Variants in CENPI observed in about 807,000 individuals in gnomAD.
The protein encoded by CENPI is FSH primary response 1.
CENPI carries 4 observed loss-of-function variants against 60.4 expected under a neutral mutation model. The ratio of observed to expected loss-of-function variants is 0.07; its 90% CI spans 0.03 to 0.15. The LOEUF is 0.15. Among genes scored for constraint, CENPI ranks in the 10% least tolerant of loss-of-function variants. The pLI is 1.00. For synonymous variants in CENPI, 157 were observed against 189.4 expected, an observed-to-expected ratio of 0.83 and a Z score of 1.40; for missense variants, 444 against 534.5, an observed-to-expected ratio of 0.83 and a Z score of 1.67.
At chrX:101,141,339 A>G (rs2089913167) in intron 16 of CENPI, 1 of 111,356 alleles carries the variant, frequency 9.0e-6, no homozygotes, top group African/African-American at 3.3e-5. Flanking sequence ...GCCTTCTCCT[A>G]CATATATATA....
At position 101,165,474 on chromosome X, in the gene CENPI, A is replaced by T. The variant is rs769698386; in HGVS notation, c.*2507A>T. Reference sequence around the variant, plus strand: ...GATGACTCAGATTTTTGACCTGTCAATTGGGTGAACTCTGAGATTAAATTC... The same window carrying T: ...GATGACTCAGATTTTTGACCTGTCATTTGGGTGAACTCTGAGATTAAATTC... On this transcript the variant is annotated 3_prime_UTR_variant, in exon 22 of 22. Transcript: ENST00000682095. 8.0e-5 allele frequency among the ~76,000 whole-genome samples: 9 copies of T among 111,948 alleles called. No individual in the cohort carries two copies. The highest frequency in any genetic ancestry group is 1.7e-4 in the Non-Finnish European group (9 of 53,211).
chrX:101,121,619 G>T (rs1394694943), intron 8 of CENPI, among the ~76,000 whole-genome samples: 7 of 109,898 alleles, frequency 6.4e-5, no homozygotes, highest in African/African-American at 2.3e-4. Flanking sequence ...GGATGAATAG[G>T]ATTTAAGTAG....
intron 15 of CENPI, 76 bp from the exon 16 acceptor site, chrX:101,140,590 C>T: frequency 2.7e-6 from 2 of 731,121 alleles, no homozygotes; most frequent in Non-Finnish European, 4.2e-6. Flanking sequence ...CTTTTCATCT[C>T]TAAGCCTCTG....
chrX:101,139,555 G>A (rs2089891487), intron 15 of CENPI, among the ~76,000 whole-genome samples: 1 of 112,294 alleles, frequency 8.9e-6, no homozygotes, highest in African/African-American at 3.2e-5. Context: ...TGTCTTAGAT[G>A]ATTCCAGAGT....
chrX:101,129,233 A>G (rs1234832011), intron 12 of CENPI, among the ~76,000 whole-genome samples: 1 of 111,645 alleles, frequency 9.0e-6, no homozygotes, highest in African/African-American at 3.3e-5. Flanking sequence ...CGAAATGCTC[A>G]TATCTGCCAA....
At chrX:101,174,952 A>T in the CENPI span, among the ~76,000 whole-genome samples, 28 of 111,238 alleles carry the variant, frequency 2.5e-4, no homozygotes, top group Non-Finnish European at 5.1e-4. Flanking sequence ...TACTAAAAAT[A>T]CAAAGTTAGC....
chrX:101,113,924 T>C (rs936170365), intron 6 of CENPI, among the ~76,000 whole-genome samples: 2 of 112,086 alleles, frequency 1.8e-5, no homozygotes, highest in African/African-American at 6.5e-5. Context: ...ATCAGTCTAA[T>C]TGTAATCCTT....
chrX:101,167,034 G>C (rs2090146264), downstream of CENPI, among the ~76,000 whole-genome samples: 1 of 112,765 alleles, frequency 8.9e-6, no homozygotes, highest in East Asian at 2.8e-4. Flanking sequence ...GATTACAGGC[G>C]TAAGCCACAG....
Position 101,162,733 on chromosome X carries a change from A to G in CENPI, c.2137-100A>G, listed in dbSNP as rs2295377. On this transcript the variant is annotated intron_variant, in intron 21 of 21. Coordinates refer to ENST00000682095, the MANE Select transcript of CENPI (RefSeq NM_001386188.2). Reference sequence around the variant, plus strand: ...CCCCCGAACTAATTTTGATATGTGCATGCGGGATGCTGCAAACTCTTCCTA... The same window carrying G: ...CCCCCGAACTAATTTTGATATGTGCGTGCGGGATGCTGCAAACTCTTCCTA... The G allele has an allele frequency of 4.4e-3, 4,099 of 923,781 alleles. 99 individuals carry two copies. In the East Asian group the frequency reaches 0.082, roughly 18 times the overall value. 76.1% of individuals were successfully genotyped at this position (923,781 alleles called of 1,213,427 possible).
At chrX:101,114,894 G>A (rs2089601170) in intron 6 of CENPI, among the ~76,000 whole-genome samples, 1 of 111,057 alleles carries the variant, frequency 9.0e-6, no homozygotes. Context: ...GCCTGCCTCG[G>A]CCTCCCAAAG....
At chrX:101,174,665 G>C in the CENPI span, among the ~76,000 whole-genome samples, 2 of 110,589 alleles carry the variant, frequency 1.8e-5, no homozygotes, top group Non-Finnish European at 3.8e-5. Flanking sequence ...GACTACTAGA[G>C]GGGGGAGGGA....
chrX:101,101,363 A>C, intron 3 of CENPI, 67 bp downstream of exon 3: 1 of 825,558 alleles, frequency 1.2e-6, no homozygotes, highest in Non-Finnish European at 1.7e-6. Context: ...TTTTTTTCTT[A>C]AGAATTTTTA....
the CENPI span, among the ~76,000 whole-genome samples, chrX:101,171,409 A>T: frequency 2.7e-5 from 3 of 112,651 alleles, no homozygotes; most frequent in African/African-American, 9.6e-5. Flanking sequence ...AAATGGATTT[A>T]AAAAACTAAA....
At position 101,128,745 on chromosome X, in the gene CENPI, C is replaced by T. The variant is rs745763216; in HGVS notation, c.1104C>T (p.Asn368=). Residue 368 remains asparagine (N), a synonymous_variant, in exon 12 of 22, where the codon AAC becomes AAT. Transcript: ENST00000682095. ...ELPSQMGSVL[N]NSLLLHYINC... Reference sequence around the variant, plus strand: ...CTTCTCAGATGGGCTCAGTGCTAAACAACTCTCTGCTGCTTCACTACATTA... The same window carrying T: ...CTTCTCAGATGGGCTCAGTGCTAAATAACTCTCTGCTGCTTCACTACATTA... 9.9e-6 allele frequency: 12 copies of T among 1,208,815 alleles called. No homozygotes were observed. The highest frequency in any genetic ancestry group is 1.2e-5 in the Non-Finnish European group (11 of 893,016).
intron 16 of CENPI, chrX:101,141,157 A>G (rs1454748031): frequency 8.7e-6 from 1 of 115,056 alleles, no homozygotes; most frequent in Non-Finnish European, 1.8e-5. Context: ...CTTTGTTTTT[A>G]TGTTTCTGTG....
the CENPI span, among the ~76,000 whole-genome samples, chrX:101,175,929 G>A: frequency 9.1e-6 from 1 of 110,019 alleles, no homozygotes; most frequent in African/African-American, 3.3e-5. Flanking sequence ...TTTATCCTCC[G>A]CCAACCCCCA....
downstream of CENPI, among the ~76,000 whole-genome samples, chrX:101,170,499 CAT>C (rs1202748902): frequency 8.9e-6 from 1 of 112,029 alleles, no homozygotes; most frequent in Non-Finnish European, 1.9e-5. Flanking sequence ...TAGTTAATAT[CAT>C]ACACCATATC....
chrX:101,147,397 C>A (rs917334664), intron 18 of CENPI, among the ~76,000 whole-genome samples: 5 of 109,764 alleles, frequency 4.6e-5, no homozygotes, highest in African/African-American at 1.7e-4. Flanking sequence ...CCCCCGACCC[C>A]CGACAGGCCC....
At chrX:101,141,823 C>T (rs1198745433) in intron 16 of CENPI, among the ~76,000 whole-genome samples, 1 of 110,925 alleles carries the variant, frequency 9.0e-6, no homozygotes, top group East Asian at 2.8e-4. Flanking sequence ...GCCTCGACCT[C>T]CCAGGCTCAA....
Sources: allele counts gnomAD v4.1 joint callset (sites outside exome capture counted in the v4.1 genomes callset), GRCh38; gene constraint gnomAD v4.1.1; transcripts MANE v1.5; gene names NCBI Gene and HGNC (gene_info 2026-07-23, HGNC 2026-07-21).